The following TRIM37 variants were observed in gnomAD, a reference collection of about 807,000 sequenced individuals.
TRIM37 encodes the protein E3 ubiquitin-protein ligase TRIM37.
TRIM37 carries 80 observed loss-of-function variants against 129.8 expected under a neutral mutation model. The observed-to-expected ratio is 0.62, with a 90% CI of 0.51 to 0.74. The LOEUF (loss-of-function observed/expected upper bound fraction) is 0.74. TRIM37 is among the 30% of genes least tolerant of loss of function. TRIM37 has a pLI of 0.00. For missense variants in TRIM37, 1,054 were observed against 1,176.5 expected (o/e 0.90, Z 1.52); for synonymous variants, 389 against 387.1 (o/e 1.00, Z -0.06).
At position 59,047,720 on chromosome 17, in the gene TRIM37, T is replaced by C. The variant is rs1833361385; in HGVS notation, c.1630A>G (p.Ser544Gly). 4 of 1,613,938 alleles carry C rather than the reference T, an allele frequency of 2.5e-6. No homozygotes were observed. Among genetic ancestry groups the C allele is most frequent in the East Asian group, 2.2e-5 (1 of 44,894 alleles). ...SSSSASSTAT[S>G]NTEENDIDEE... is the part of the protein sequence containing the mutation. ...TCAATATCATTTTCTTCTGTATTAC[T>C]TGTTGCTGTGGAACTAGCAGAGGAA... The change falls in exon 16 of 24, where the codon AGT becomes GGT. Residue 544 changes from serine (S) to glycine (G), a missense_variant. By Grantham distance (56) the Ser-to-Gly change is moderately conservative. Transcript: ENST00000262294.
chr17:59,015,590 T>C lies in TRIM37; in HGVS notation c.2576+20A>G. The C allele has an allele frequency of 6.2e-7, 1 of 1,613,354 alleles. No individual in the cohort carries two copies. The highest frequency in any genetic ancestry group is 8.5e-7 in the Non-Finnish European group (1 of 1,179,580). ...CTATTAGCTATTATACCATTACATA[T>C]ACAAAACAACTTAATTTACCCCAAG... On this transcript the variant is annotated intron_variant, in intron 21 of 23. Coordinates refer to ENST00000262294, the MANE Select transcript of TRIM37 (RefSeq NM_015294.6).
intron 24 of TRIM37, among the ~76,000 whole-genome samples, chr17:58,986,468 G>GCAT (rs1364962057): frequency 4.1e-5 from 6 of 148,054 alleles, no homozygotes; most frequent in Non-Finnish European, 5.9e-5. Context: ...CTCCCTAAGT[G>GCAT]CATCATTTTC....
downstream of TRIM37, among the ~76,000 whole-genome samples, chr17:58,997,331 T>C (rs942990033): frequency 2.0e-5 from 3 of 152,118 alleles, no homozygotes; most frequent in Non-Finnish European, 4.4e-5. Context: ...AAGAATAATC[T>C]TTAGGTTTTA....
intron 20 of TRIM37, among the ~76,000 whole-genome samples, chr17:59,016,411 A>C (rs1360111254): frequency 5.3e-5 from 8 of 151,358 alleles, no homozygotes; most frequent in Admixed American, 2.0e-4. Flanking sequence ...AAAAAAAAAA[A>C]AAAACTTCAA....
chr17:59,050,341 G>A (rs1473772295), intron 14 of TRIM37, among the ~76,000 whole-genome samples: 2 of 152,180 alleles, frequency 1.3e-5, no homozygotes, highest in Non-Finnish European at 2.9e-5. Context: ...AGTAACCAAT[G>A]CAAGCACTTG....
At chr17:59,000,964 G>A (rs2033648290) in intron 23 of TRIM37, among the ~76,000 whole-genome samples, 1 of 152,096 alleles carries the variant, frequency 6.6e-6, no homozygotes, top group South Asian at 2.1e-4. Context: ...GGAGGCCAAG[G>A]CAGGTGGATC....
At position 59,062,554 on chromosome 17, in the gene TRIM37, A is replaced by G. The variant is rs2041584657; in HGVS notation, c.942+13T>C. On this transcript the variant is annotated intron_variant, in intron 11 of 23. Transcript: ENST00000262294. ...CTTGGTTTCAAAATTTATTAGAAAT[A>G]TGAAAAACTTACTGGGTAAACTTTT... 1 of 1,608,586 alleles carries G rather than the reference A, an allele frequency of 6.2e-7. No homozygotes were observed. Among genetic ancestry groups the G allele is most frequent in the Non-Finnish European group, 8.5e-7 (1 of 1,175,250 alleles).
At chr17:59,044,091 C>T (rs1328607476) in intron 16 of TRIM37, among the ~76,000 whole-genome samples, 1 of 152,122 alleles carries the variant, frequency 6.6e-6, no homozygotes, top group Non-Finnish European at 1.5e-5. Context: ...AGCCTAGGAG[C>T]TCCGGGCCAG....
Position 59,106,605 on chromosome 17 carries a change from G to A in TRIM37, c.-144C>T. The stretch of plus-strand genomic sequence containing the variant: ...GGGCTCTGACAACCGCCCCACCTGC[G>A]CGCCCCATCTCTTCAGGTCCAGCGC... On this transcript the variant is annotated 5_prime_UTR_variant, in exon 1 of 24. Transcript: ENST00000262294. The A allele has an allele frequency of 1.1e-6, 1 of 951,412 alleles. No homozygotes were observed. Among genetic ancestry groups the A allele is most frequent in the Non-Finnish European group, 1.6e-6 (1 of 610,792 alleles). The allele number at this position is 951,412 out of a possible 1,614,324, so 58.9% of individuals were successfully genotyped here.
At chr17:59,001,960 A>G (rs946203184) in intron 22 of TRIM37, among the ~76,000 whole-genome samples, 6 of 152,196 alleles carry the variant, frequency 3.9e-5, no homozygotes, top group African/African-American at 1.2e-4. Flanking sequence ...ATAGTACCTG[A>G]AAGTTATTAT....
At chr17:59,010,876 G>C (rs2035163429) in intron 22 of TRIM37, among the ~76,000 whole-genome samples, 1 of 151,972 alleles carries the variant, frequency 6.6e-6, no homozygotes. Flanking sequence ...CACATAGAAA[G>C]TAACTATTCC....
At chr17:58,986,679 T>C (rs1302823334) in intron 24 of TRIM37, among the ~76,000 whole-genome samples, 2 of 151,918 alleles carry the variant, frequency 1.3e-5, no homozygotes, top group Non-Finnish European at 2.9e-5. Context: ...CGCCTGGCTT[T>C]TGTGTTTTTA....
intron 17 of TRIM37, among the ~76,000 whole-genome samples, chr17:59,036,694 T>C (rs960440756): frequency 6.6e-6 from 1 of 152,118 alleles, no homozygotes; most frequent in Non-Finnish European, 1.5e-5. Context: ...TAAAATAAGA[T>C]TATTAAGTAA....
chr17:59,027,745 A>G (rs2037399452), intron 19 of TRIM37, among the ~76,000 whole-genome samples: 1 of 152,202 alleles, frequency 6.6e-6, no homozygotes, highest in South Asian at 2.1e-4. Context: ...ACATCATAAT[A>G]AAACTCGAAC....
chr17:59,101,938 CA>C (rs200931358), intron 2 of TRIM37, among the ~76,000 whole-genome samples: 2 of 144,210 alleles, frequency 1.4e-5, no homozygotes, highest in Non-Finnish European at 3.0e-5. Context: ...GAATCCATCT[CA>C]AAAAAAAATA....
At chr17:58,991,163 G>A (rs1312166924) in intron 24 of TRIM37, among the ~76,000 whole-genome samples, 1 of 125,860 alleles carries the variant, frequency 7.9e-6, no homozygotes, top group Non-Finnish European at 1.6e-5. Context: ...CAACAAGAGT[G>A]AAACTCTGTC....
At chr17:59,087,989 C>T (rs1249465043) in intron 4 of TRIM37, 4 of 549,406 alleles carry the variant, frequency 7.3e-6, no homozygotes, top group Non-Finnish European at 9.7e-6. Flanking sequence ...CCCCATTAAA[C>T]AGTTAACAGA....
At chr17:59,004,226 G>A (rs1452778343) in intron 22 of TRIM37, among the ~76,000 whole-genome samples, 2 of 151,818 alleles carry the variant, frequency 1.3e-5, no homozygotes, top group Admixed American at 6.6e-5. Context: ...ATAGATAAAA[G>A]GAAAAAAGTT....
At chr17:59,043,576 C>G (rs2145956333) in intron 16 of TRIM37, among the ~76,000 whole-genome samples, 2 of 152,210 alleles carry the variant, frequency 1.3e-5, no homozygotes, top group South Asian at 4.2e-4. Flanking sequence ...CTCATTCTGC[C>G]CCCAGCTACC....
Sources: gnomAD v4.1 joint callset for allele counts (sites outside exome capture counted in the v4.1 genomes callset) on GRCh38, gnomAD v4.1.1 for gene constraint, MANE v1.5 for transcripts, NCBI Gene and HGNC (gene_info 2026-07-23, HGNC 2026-07-21) for gene names.